Variants in DLG2 observed in about 807,000 individuals in gnomAD.
DLG2 encodes the protein discs large MAGUK scaffold protein 2.
DLG2 carries 45 observed loss-of-function variants against 132.5 expected under a neutral mutation model. That is an observed-to-expected ratio of 0.34 (90% confidence interval 0.27 to 0.44). DLG2 has a LOEUF of 0.44. Among genes scored for constraint, DLG2 ranks in the 20% least tolerant of loss-of-function variants. DLG2 has a pLI of 1.00. For synonymous variants in DLG2, 424 were observed against 419.6 expected (o/e 1.01, Z -0.13); for missense variants, 1,045 against 1,196.9 (o/e 0.87, Z 1.87).
At chr11:83,846,132 C>T (rs2099288677) in intron 16 of DLG2, among the ~76,000 whole-genome samples, 1 of 152,146 alleles carries the variant, frequency 6.6e-6, no homozygotes, top group Non-Finnish European at 1.5e-5. Flanking sequence ...TGAACTAGAT[C>T]TTGACAGATG....
At chr11:83,842,460 AGC>A (rs2154019872) in intron 16 of DLG2, among the ~76,000 whole-genome samples, 1 of 140,200 alleles carries the variant, frequency 7.1e-6, no homozygotes, top group Admixed American at 7.5e-5. Flanking sequence ...TGGGTGTGGT[AGC>A]GTGCACCTGT....
At chr11:85,009,784 A>G (rs7125600) in intron 6 of DLG2, among the ~76,000 whole-genome samples, 78,643 of 151,868 alleles carry the variant, frequency 0.52, 20,877 homozygotes, top group East Asian at 0.64. Context: ...ATCGATTTCT[A>G]TAAATGCAGC....
Position 83,890,130 on chromosome 11 carries a change from A to G in DLG2, c.1497-15642T>C, listed in dbSNP as rs1480322283. On this transcript the variant is annotated intron_variant, in intron 15 of 27. Transcript: ENST00000376104. ...TACAATAATAATAATAAAAAAAGAAATTTTATATAAAAATAGAGAGGTACT... is the reference window on the plus strand; with the variant it reads ...TACAATAATAATAATAAAAAAAGAAGTTTTATATAAAAATAGAGAGGTACT... Among the ~76,000 whole-genome samples the G allele has an allele frequency of 6.6e-5, 10 of 152,136 alleles. No homozygotes were observed. In the East Asian group the frequency reaches 1.9e-3, roughly 29 times the overall value.
chr11:85,292,847 C>G (rs1280440265), intron 3 of DLG2, among the ~76,000 whole-genome samples: 2 of 151,766 alleles, frequency 1.3e-5, no homozygotes, highest in Non-Finnish European at 2.9e-5. Flanking sequence ...TTAAAAAGAA[C>G]CAAGGCTTTT....
rs370017746 is a variant in DLG2, at chr11:83,710,987, T to C, written c.1825+75703A>G. ...TAAACTCTTAACATGGACTGTCTCA[T>C]TTATTCTCACAGCCCCTTTGACAAA... On this transcript the variant is annotated intron_variant, in intron 18 of 27. Transcript: ENST00000376104. Among the ~76,000 whole-genome samples, 19 of 152,308 alleles carry C rather than the reference T, an allele frequency of 1.2e-4. No individual in the cohort carries two copies. The East Asian group carries it at 2.1e-3, about 17-fold the overall frequency.
At chr11:85,022,192 G>A (rs146483803) in intron 6 of DLG2, among the ~76,000 whole-genome samples, 42 of 151,860 alleles carry the variant, frequency 2.8e-4, no homozygotes, top group Non-Finnish European at 5.4e-4. Context: ...AAAATAAGGT[G>A]AGTCTATATA....
chr11:83,763,751 T>C (rs1330560732), intron 18 of DLG2, among the ~76,000 whole-genome samples: 1 of 152,190 alleles, frequency 6.6e-6, no homozygotes, highest in Non-Finnish European at 1.5e-5. Flanking sequence ...ATTAGCTGCA[T>C]TTTAGACTCA....
rs369884564 is a variant in DLG2 at position 85,592,664 on chromosome 11, T to C, written c.40+5993A>G. ...CCCTTAAATGTTTTAGATATTCTAT[T>C]GTAAGGCTGGGTGTGGTGCCTCATG... On this transcript the variant is annotated intron_variant, in intron 3 of 27. Transcript: ENST00000376104. 3.9e-5 allele frequency among the ~76,000 whole-genome samples: 6 copies of C among 152,280 alleles called. No individual in the cohort carries two copies. In the East Asian group the frequency reaches 1.2e-3, roughly 29 times the overall value.
intron 6 of DLG2, among the ~76,000 whole-genome samples, chr11:85,081,401 A>G (rs2067208529): frequency 1.3e-5 from 2 of 152,192 alleles, no homozygotes; most frequent in South Asian, 4.1e-4. Context: ...AAGCCTCAGA[A>G]GTAAAAGTTT....
intron 6 of DLG2, among the ~76,000 whole-genome samples, chr11:84,822,708 C>G (rs993890870): frequency 1.3e-5 from 2 of 151,860 alleles, no homozygotes; most frequent in Admixed American, 6.6e-5. Flanking sequence ...GAGAGAAGGA[C>G]TGGTCTTTGG....
At chr11:83,776,109 TA>T (rs34034918) in intron 18 of DLG2, among the ~76,000 whole-genome samples, 7 of 149,010 alleles carry the variant, frequency 4.7e-5, no homozygotes, top group African/African-American at 7.5e-5. Context: ...AATAAATAAA[TA>T]AAATAAATAA....
intron 6 of DLG2, among the ~76,000 whole-genome samples, chr11:85,022,575 T>C (rs941817971): frequency 9.2e-5 from 14 of 152,088 alleles, no homozygotes; most frequent in Admixed American, 2.6e-4. Context: ...GTACTAGTTA[T>C]AGATAAGTTA....
intron 18 of DLG2, among the ~76,000 whole-genome samples, chr11:83,692,474 G>A (rs1445789566): frequency 1.3e-5 from 2 of 152,170 alleles, no homozygotes; most frequent in Non-Finnish European, 2.9e-5. Context: ...TGGTGCCTAG[G>A]GCTGGAGGTA....
chr11:83,484,290 C>T, intron 21 of DLG2, 62 bp from the exon 22 acceptor site: 1 of 1,193,976 alleles, frequency 8.4e-7, no homozygotes, highest in East Asian at 2.3e-5. Flanking sequence ...CACACTCATG[C>T]TGACAAAACA....
chr11:84,693,952 T>C (rs546533788), intron 6 of DLG2, among the ~76,000 whole-genome samples: 31 of 151,808 alleles, frequency 2.0e-4, no homozygotes, highest in South Asian at 1.0e-3. Context: ...TATGGGTTTT[T>C]TGTTCATGGC....
intron 4 of DLG2, among the ~76,000 whole-genome samples, chr11:85,190,538 T>C (rs566059358): frequency 6.3e-4 from 95 of 151,286 alleles, no homozygotes; most frequent in African/African-American, 2.3e-3. Flanking sequence ...GAAATTGAGA[T>C]GTAAAATTCA....
chr11:84,445,842 G>T (rs2099032526), intron 7 of DLG2, among the ~76,000 whole-genome samples: 1 of 150,770 alleles, frequency 6.6e-6, no homozygotes, highest in Non-Finnish European at 1.5e-5. Context: ...CGTGAACCCG[G>T]GAGGCGGAGC....
intron 19 of DLG2, among the ~76,000 whole-genome samples, chr11:83,550,769 T>A (rs2096371074): frequency 6.6e-6 from 1 of 152,184 alleles, no homozygotes; most frequent in African/African-American, 2.4e-5. Flanking sequence ...GGTCTGTGTA[T>A]AAGGCAATTG....
intron 25 of DLG2, 39 bp downstream of exon 25, chr11:83,469,162 C>A: frequency 9.0e-6 from 13 of 1,448,394 alleles, no homozygotes; most frequent in East Asian, 2.5e-5. Flanking sequence ...AACCTAGAAA[C>A]CTTCTTCAGG....
Sources: gnomAD v4.1 joint callset for allele counts (sites outside exome capture counted in the v4.1 genomes callset) on GRCh38, gnomAD v4.1.1 for gene constraint, MANE v1.5 for transcripts, NCBI Gene and HGNC (gene_info 2026-07-23, HGNC 2026-07-21) for gene names.